CCDC158: variants seen among roughly 807,000 people sequenced by gnomAD.
The protein encoded by CCDC158 is coiled-coil domain-containing protein 158.
CCDC158 carries 116 observed loss-of-function variants against 138.6 expected under a neutral mutation model. That is an observed-to-expected ratio of 0.84 (90% CI 0.72 to 0.98). The LOEUF is 0.98. Ranked by LOEUF, CCDC158 falls within the 50% of genes least tolerant of loss-of-function variation. CCDC158 has a pLI of 0.00. For missense variants in CCDC158, 1,265 were observed against 1,306.1 expected (o/e 0.97, Z 0.48); for synonymous variants, 436 against 442.4 (o/e 0.99, Z 0.18).
intron 19 of CCDC158, 45 bp from the exon 20 acceptor site, chr4:76,332,536 T>A (rs777147403): frequency 1.4e-6 from 2 of 1,379,804 alleles, no homozygotes; most frequent in East Asian, 4.8e-5. Context: ...AAAGCACAAT[T>A]TCATCCATGT....
Position 76,355,439 on chromosome 4 carries a change from G to A in CCDC158, c.2174-3C>T, listed in dbSNP as rs1723452219. 6.3e-7 allele frequency: 1 copy of A among 1,593,082 alleles called. No homozygotes were observed. The highest frequency in any genetic ancestry group is 1.4e-5 in the African/African-American group (1 of 73,736). ...CATCCCCATTGCCACTTTCATAGCT[G>A]GAAAAAAAAAAGAGGCAAACTATGC... On this transcript the variant is annotated splice_polypyrimidine_tract_variant and splice_region_variant and intron_variant, in intron 14 of 24. Coordinates refer to ENST00000682701, the MANE Select transcript of CCDC158 (RefSeq NM_001394954.1).
Position 76,321,126 on chromosome 4 carries a change from G to A in CCDC158, c.3277+2176C>T, listed in dbSNP as rs769537509. Among the ~76,000 whole-genome samples the A allele has an allele frequency of 2.6e-5, 4 of 152,222 alleles. No homozygotes were observed. The East Asian group carries it at 5.8e-4, about 22-fold the overall frequency. ...GGACATGAATAGACAATTCTCAAAA[G>A]AAGATACACAAATGGTCAACAAACA... On this transcript the variant is annotated intron_variant, in intron 24 of 24. Transcript: ENST00000682701.
intron 19 of CCDC158, among the ~76,000 whole-genome samples, chr4:76,333,467 C>G (rs1245665355): frequency 6.6e-6 from 1 of 152,164 alleles, no homozygotes; most frequent in Non-Finnish European, 1.5e-5. Flanking sequence ...CAAAGAAGGG[C>G]TGGTGAACTG....
chr4:76,366,288 A>G (rs1384449278), intron 12 of CCDC158, among the ~76,000 whole-genome samples: 1 of 152,158 alleles, frequency 6.6e-6, no homozygotes, highest in Admixed American at 6.6e-5. Context: ...AAGCAATAGA[A>G]AATTCTATTT....
intron 1 of CCDC158, among the ~76,000 whole-genome samples, chr4:76,415,366 G>C (rs1299299179): frequency 2.0e-5 from 3 of 152,168 alleles, no homozygotes; most frequent in Non-Finnish European, 4.4e-5. Context: ...TGGAAAATTT[G>C]CAGCCTGACT....
At chr4:76,344,368 T>C (rs1484587731) in intron 18 of CCDC158, among the ~76,000 whole-genome samples, 1 of 152,252 alleles carries the variant, frequency 6.6e-6, no homozygotes, top group Non-Finnish European at 1.5e-5. Flanking sequence ...CACGAACATG[T>C]AAGCCATTAA....
Position 76,351,244 on chromosome 4 carries a change from T to G in CCDC158, c.2539-123A>C, listed in dbSNP as rs1301789437. ...CATTATTGAGATTTTAAAATATGTC[T>G]GTAGCTTTAAAGTACACTTCTTAAA... On this transcript the variant is annotated intron_variant, in intron 17 of 24. Coordinates refer to ENST00000682701, the MANE Select transcript of CCDC158 (RefSeq NM_001394954.1). 5.6e-6 allele frequency: 5 copies of G among 892,002 alleles called. No homozygotes were observed. In the Admixed American group the frequency reaches 8.5e-5, roughly 15 times the overall value. 55.3% of individuals were successfully genotyped at this position (892,002 alleles called of 1,614,324 possible).
intron 1 of CCDC158, among the ~76,000 whole-genome samples, chr4:76,416,809 C>T (rs1342415539): frequency 1.3e-5 from 2 of 152,200 alleles, no homozygotes; most frequent in African/African-American, 2.4e-5. Context: ...GATGCCCAGG[C>T]AAAAGTTTGC....
At chr4:76,328,870 C>A in intron 22 of CCDC158, 30 bp downstream of exon 22, 2 of 1,580,558 alleles carry the variant, frequency 1.3e-6, no homozygotes, top group Non-Finnish European at 1.7e-6. Context: ...CATTGTAGGG[C>A]CTATTTCTGT....
At chr4:76,395,205 G>A (rs1388059872) in intron 4 of CCDC158, among the ~76,000 whole-genome samples, 4 of 152,114 alleles carry the variant, frequency 2.6e-5, no homozygotes, top group Admixed American at 6.6e-5. Flanking sequence ...AACTTCATTA[G>A]TGTATTTATC....
intron 18 of CCDC158, chr4:76,344,952 G>C: frequency 6.6e-7 from 1 of 1,510,344 alleles, no homozygotes. Context: ...GTGGTGAAAA[G>C]TGCTGAAGAA....
At chr4:76,418,997 C>T (rs932904129) in intron 1 of CCDC158, among the ~76,000 whole-genome samples, 2 of 152,156 alleles carry the variant, frequency 1.3e-5, no homozygotes, top group Non-Finnish European at 2.9e-5. Flanking sequence ...TCCCTCTTTT[C>T]CCCAGGCCTG....
chr4:76,342,331 G>A (rs776370932), intron 18 of CCDC158, among the ~76,000 whole-genome samples: 1 of 152,160 alleles, frequency 6.6e-6, no homozygotes, highest in East Asian at 1.9e-4. Flanking sequence ...ATTAACCACA[G>A]TGCCCAGACT....
intron 18 of CCDC158, chr4:76,345,473 G>A (rs934038479): frequency 8.5e-6 from 8 of 938,640 alleles, no homozygotes; most frequent in African/African-American, 3.2e-5. Flanking sequence ...ATTTCAAACC[G>A]AAGAGAGTGG....
chr4:76,416,986 C>T (rs1312166564), intron 1 of CCDC158, among the ~76,000 whole-genome samples: 1 of 152,174 alleles, frequency 6.6e-6, no homozygotes. Flanking sequence ...CAACACCTTG[C>T]ACTGTGCACC....
chr4:76,322,583 T>A (rs961517036), intron 24 of CCDC158, among the ~76,000 whole-genome samples: 18 of 152,240 alleles, frequency 1.2e-4, no homozygotes, highest in African/African-American at 4.3e-4. Flanking sequence ...CTTAGAATAG[T>A]ATTTTCCTTT....
At chr4:76,355,262 T>C in intron 15 of CCDC158, 62 bp downstream of exon 15, 1 of 1,020,878 alleles carries the variant, frequency 9.8e-7, no homozygotes, top group Non-Finnish European at 1.6e-6. Flanking sequence ...CATCTTATTC[T>C]GCCTCGTGGT....
At chr4:76,359,055 T>C (rs1723862326) in intron 13 of CCDC158, among the ~76,000 whole-genome samples, 1 of 152,162 alleles carries the variant, frequency 6.6e-6, no homozygotes, top group African/African-American at 2.4e-5. Context: ...GTGTGAGTTC[T>C]CATGAGATCT....
chr4:76,352,780 C>T (rs770093994), intron 16 of CCDC158: 13 of 182,674 alleles, frequency 7.1e-5, no homozygotes, highest in Non-Finnish European at 1.1e-4. Flanking sequence ...TACCAAGTAC[C>T]CAAGTCACTT....
Sources: allele counts gnomAD v4.1 joint callset (sites outside exome capture counted in the v4.1 genomes callset), GRCh38; gene constraint gnomAD v4.1.1; transcripts MANE v1.5; gene names NCBI Gene and HGNC (gene_info 2026-07-23, HGNC 2026-07-21).